Variants in LGMN observed in about 807,000 individuals in gnomAD.
The protein encoded by LGMN is legumain.
Under a neutral mutation model 56.8 loss-of-function variants are expected in LGMN, and 36 were observed. The observed-to-expected ratio is 0.63, with a 90% confidence interval of 0.49 to 0.84. The LOEUF is 0.84. Ranked by LOEUF, LGMN falls within the 40% of genes least tolerant of loss-of-function variation. LGMN has a pLI of 0.00. For synonymous variants in LGMN, 199 were observed against 210.1 expected (o/e 0.95, Z 0.46); for missense variants, 446 against 556.1 (o/e 0.80, Z 1.99).
chr14:92,705,501 T>TG (rs1719515764), intron 12 of LGMN, among the ~76,000 whole-genome samples: 1 of 121,644 alleles, frequency 8.2e-6, no homozygotes, highest in African/African-American at 3.0e-5. Context: ...AAACTGTGTC[T>TG]AAAACAAACA....
chr14:92,711,629 G>A, intron 10 of LGMN, 30 bp downstream of exon 10: 1 of 1,585,804 alleles, frequency 6.3e-7, no homozygotes, highest in Non-Finnish European at 8.7e-7. Flanking sequence ...ACAAGGAACA[G>A]AGGGCCAGCA....
intron 1 of LGMN, among the ~76,000 whole-genome samples, chr14:92,746,806 G>A (rs546290208): frequency 6.6e-6 from 1 of 152,124 alleles, no homozygotes; most frequent in Non-Finnish European, 1.5e-5. Context: ...GGAGGCCGAG[G>A]GGGGTGGATC....
At chr14:92,711,242 C>T (rs1318926963) in intron 10 of LGMN, among the ~76,000 whole-genome samples, 2 of 152,172 alleles carry the variant, frequency 1.3e-5, no homozygotes, top group East Asian at 1.9e-4. Flanking sequence ...AGGGGCAGGA[C>T]CCCAGAAAAT....
chr14:92,706,835 G>A (rs867198429), intron 11 of LGMN, among the ~76,000 whole-genome samples, 182 bp from the exon 12 acceptor site: 10 of 152,252 alleles, frequency 6.6e-5, no homozygotes, highest in Admixed American at 3.9e-4. Flanking sequence ...CCACTTGTGC[G>A]ACGGTCAGAA....
At position 92,714,348 on chromosome 14, in the gene LGMN, T is replaced by G; in HGVS notation, c.480+28A>C. 6.9e-7 allele frequency: 1 copy of G among 1,457,202 alleles called. No individual in the cohort carries two copies. The highest frequency in any genetic ancestry group is 9.6e-7 in the Non-Finnish European group (1 of 1,038,456). The allele number at this position is 1,457,202 out of a possible 1,614,324, so 90.3% of individuals were successfully genotyped here. A position where few individuals can be genotyped will look rare whatever the true frequency, so the allele number is the denominator to read the frequency against. On this transcript the variant is annotated intron_variant, in intron 6 of 13. Transcript: ENST00000334869. The surrounding 1 kb of genome is among the most constrained non-coding windows in gnomAD (Gnocchi z 5.1). The stretch of plus-strand genomic sequence containing the variant: ...AGGCTTGCTTTTCTGTTCTGCTAGT[T>G]TGTCCTTAAAACGTTAAGAAAACTC...
intron 1 of LGMN, among the ~76,000 whole-genome samples, chr14:92,738,961 G>A (rs1191407814): frequency 6.6e-6 from 1 of 150,958 alleles, no homozygotes; most frequent in Non-Finnish European, 1.5e-5. Flanking sequence ...AGAGGTTGCA[G>A]TGAGCCAAGA....
intron 2 of LGMN, among the ~76,000 whole-genome samples, chr14:92,726,351 C>T (rs1489031273): frequency 6.6e-6 from 1 of 152,216 alleles, no homozygotes; most frequent in African/African-American, 2.4e-5. Flanking sequence ...TCCGTCACTG[C>T]AGTCTGCCCA....
rs556554129 is a variant in LGMN, at chr14:92,737,149, A to C, written c.-29-4334T>G. On this transcript the variant is annotated intron_variant, in intron 1 of 13. Transcript: ENST00000334869. ...AGGCCATCTCTCTCACAACTATTCA[A>C]CTCTGCCACTGTATCTTGAAAGCAG... Among the ~76,000 whole-genome samples the C allele has an allele frequency of 2.0e-5, 3 of 151,900 alleles. No individual in the cohort carries two copies. In the East Asian group the frequency reaches 5.8e-4, roughly 29 times the overall value.
intron 2 of LGMN, among the ~76,000 whole-genome samples, chr14:92,731,569 T>C (rs576900584): frequency 1.8e-4 from 28 of 152,380 alleles, no homozygotes; most frequent in African/African-American, 6.0e-4. Flanking sequence ...GTGGTCTTTG[T>C]GACTAGCTCC....
At chr14:92,709,990 A>C (rs1595528259) in intron 10 of LGMN, 118 bp from the exon 11 acceptor site, 1 of 730,998 alleles carries the variant, frequency 1.4e-6, no homozygotes, top group South Asian at 2.0e-5. Flanking sequence ...TGCCCAACAT[A>C]CCCCAAGTCC....
At position 92,714,979 on chromosome 14, in the gene LGMN, T is replaced by A. The variant is rs1297941708; in HGVS notation, c.405-528A>T. 2.7e-5 allele frequency among the ~76,000 whole-genome samples: 4 copies of A among 150,484 alleles called. No homozygotes were observed. The highest frequency in any genetic ancestry group is 3.2e-3 in the Middle Eastern group (1 of 310). ...CCAATTTGGTTCACCCTCACAGATG[T>A]CCATCTCCATACTAATTTTTTTTTT... is the stretch of plus-strand genomic sequence containing the variant. On this transcript the variant is annotated intron_variant, in intron 5 of 13. Transcript: ENST00000334869. The surrounding 1 kb of genome is among the most constrained non-coding windows in gnomAD (Gnocchi z 5.1).
At chr14:92,743,353 A>T (rs1891655995) in intron 1 of LGMN, among the ~76,000 whole-genome samples, 2 of 152,152 alleles carry the variant, frequency 1.3e-5, no homozygotes, top group South Asian at 4.1e-4. Context: ...TACAAAAAAA[A>T]TTAGCCAGGC....
At chr14:92,719,305 G>GCCA (rs1356309763) in intron 2 of LGMN, among the ~76,000 whole-genome samples, 3 of 29,152 alleles carry the variant, frequency 1.0e-4, no homozygotes, top group African/African-American at 4.7e-4. Context: ...CGCCGCCACC[G>GCCA]CCGCCACCGC....
intron 2 of LGMN, among the ~76,000 whole-genome samples, chr14:92,719,362 A>C: frequency 7.7e-6 from 1 of 129,324 alleles, no homozygotes; most frequent in African/African-American, 3.5e-5. Context: ...CACCAACACC[A>C]CCACCACCAC....
At chr14:92,704,783 G>A (rs1336201465) in intron 12 of LGMN, 76 bp from the exon 13 acceptor site, 8 of 1,179,560 alleles carry the variant, frequency 6.8e-6, no homozygotes, top group Non-Finnish European at 8.9e-6. Flanking sequence ...CAATTGCAGA[G>A]GGGAAGCATC....
At chr14:92,726,873 C>T (rs1158925553) in intron 2 of LGMN, among the ~76,000 whole-genome samples, 2 of 152,148 alleles carry the variant, frequency 1.3e-5, no homozygotes, top group Admixed American at 1.3e-4. Context: ...AAATCCATTT[C>T]CCCTCACCAG....
chr14:92,739,381 C>T (rs1243564638), intron 1 of LGMN, among the ~76,000 whole-genome samples: 3 of 152,200 alleles, frequency 2.0e-5, no homozygotes, highest in East Asian at 3.9e-4. Flanking sequence ...TTACACAGGC[C>T]TCATCTCACA....
At chr14:92,739,489 C>T (rs536355225) in intron 1 of LGMN, among the ~76,000 whole-genome samples, 6 of 152,162 alleles carry the variant, frequency 3.9e-5, no homozygotes, top group East Asian at 1.9e-4. Flanking sequence ...CCAACAAACA[C>T]GGACTGAGCA....
At chr14:92,718,941 G>A (rs953889085) in intron 2 of LGMN, 97 bp from the exon 3 acceptor site, 7 of 712,028 alleles carry the variant, frequency 9.8e-6, no homozygotes, top group Non-Finnish European at 1.8e-5. Context: ...AAGACTTACT[G>A]TGAATCATCC....
Sources: gnomAD v4.1 joint callset for allele counts (sites outside exome capture counted in the v4.1 genomes callset) on GRCh38, gnomAD v4.1.1 for gene constraint, Gnocchi (gnomAD v3.1) non-coding constraint, MANE v1.5 for transcripts, NCBI Gene and HGNC (gene_info 2026-07-23, HGNC 2026-07-21) for gene names.